Variants in GMDS observed in about 807,000 individuals in gnomAD.
GMDS encodes the protein GDP-mannose 4,6 dehydratase.
GMDS carries 20 observed loss-of-function variants against 49.9 expected under a neutral mutation model. The ratio of observed to expected loss-of-function variants is 0.40; its 90% CI spans 0.28 to 0.58. The LOEUF (loss-of-function observed/expected upper bound fraction) is 0.58, where lower values mean the gene tolerates loss of function less well. GMDS is among the 20% of genes least tolerant of loss of function. The probability of loss-of-function intolerance (pLI) is 0.42; values close to 1 mark genes in which losing one functional copy is unlikely to be tolerated. For synonymous variants in GMDS, 177 were observed against 178.6 expected, an observed-to-expected ratio of 0.99 and a Z score of 0.07; for missense variants, 362 against 481.4, an observed-to-expected ratio of 0.75 and a Z score of 2.32.
intron 7 of GMDS, among the ~76,000 whole-genome samples, chr6:1,751,532 T>C (rs1274896321): frequency 6.6e-6 from 1 of 152,196 alleles, no homozygotes; most frequent in African/African-American, 2.4e-5. Flanking sequence ...TGTCGCTCTG[T>C]TGCCAGGCTA....
At chr6:1,699,282 A>C (rs1765457077) in intron 9 of GMDS, among the ~76,000 whole-genome samples, 1 of 151,926 alleles carries the variant, frequency 6.6e-6, no homozygotes, top group African/African-American at 2.4e-5. Context: ...AAAATAAGGA[A>C]GATGGGGGTG....
Position 2,011,641 on chromosome 6 carries a change from C to T in GMDS, c.346-50675G>A, listed in dbSNP as rs565582737. On this transcript the variant is annotated intron_variant, in intron 4 of 10. Transcript: ENST00000380815. ...AAAAGAACAAAATCAGGGCCGGGTA[C>T]GGTGACTCATGCCTGTAATCCCAAC... Among the ~76,000 whole-genome samples, 13 of 152,218 alleles carry T rather than the reference C, an allele frequency of 8.5e-5. No individual in the cohort carries two copies. In the East Asian group the frequency reaches 1.5e-3, roughly 18 times the overall value.
intron 7 of GMDS, among the ~76,000 whole-genome samples, chr6:1,911,994 G>C (rs937055244): frequency 1.3e-5 from 2 of 152,070 alleles, no homozygotes; most frequent in Admixed American, 6.5e-5. Context: ...TACATTTGAA[G>C]ACTTTTTCAA....
At chr6:1,801,900 C>A (rs1446542216) in intron 7 of GMDS, among the ~76,000 whole-genome samples, 1 of 152,186 alleles carries the variant, frequency 6.6e-6, no homozygotes, top group Non-Finnish European at 1.5e-5. Context: ...TATTTATTTA[C>A]ATCTCAGAGA....
intron 4 of GMDS, among the ~76,000 whole-genome samples, chr6:2,024,317 A>C (rs1381100097): frequency 2.0e-5 from 3 of 152,192 alleles, no homozygotes; most frequent in Admixed American, 6.5e-5. Flanking sequence ...TTTATCAAGA[A>C]GGAAGATGAA....
intron 8 of GMDS, among the ~76,000 whole-genome samples, chr6:1,741,284 C>A (rs1417339913): frequency 6.6e-6 from 1 of 152,146 alleles, no homozygotes; most frequent in Non-Finnish European, 1.5e-5. Flanking sequence ...GAACTTATTT[C>A]TCCTATCTTA....
intron 4 of GMDS, among the ~76,000 whole-genome samples, chr6:2,057,412 C>G (rs1011531242): frequency 6.6e-6 from 1 of 152,214 alleles, no homozygotes; most frequent in Non-Finnish European, 1.5e-5. Context: ...TATGTACACA[C>G]ATATTTTTTA....
chr6:2,040,564 A>G (rs1381835812), intron 4 of GMDS, among the ~76,000 whole-genome samples: 1 of 152,224 alleles, frequency 6.6e-6, no homozygotes, highest in Non-Finnish European at 1.5e-5. Flanking sequence ...GCAGCAATGT[A>G]CATTAATTTT....
intron 6 of GMDS, 116 bp from the exon 7 acceptor site, chr6:1,930,346 AC>A (rs1762233274): frequency 1.4e-6 from 1 of 699,248 alleles, no homozygotes; most frequent in Non-Finnish European, 2.4e-6. Flanking sequence ...ACTCCCAGCC[AC>A]CCTGTTAAAA....
chr6:1,795,031 C>A (rs1769684755), intron 7 of GMDS, among the ~76,000 whole-genome samples: 1 of 151,938 alleles, frequency 6.6e-6, no homozygotes, highest in Admixed American at 6.6e-5. Context: ...CTCTACAAAA[C>A]AAAAACAAAA....
chr6:1,692,369 C>T (rs1765203686), intron 9 of GMDS, among the ~76,000 whole-genome samples: 1 of 152,192 alleles, frequency 6.6e-6, no homozygotes. Context: ...ATTCATCTAT[C>T]CTATTAGTTC....
intron 1 of GMDS, among the ~76,000 whole-genome samples, chr6:2,172,275 G>A (rs557718764): frequency 2.9e-4 from 44 of 152,220 alleles, no homozygotes; most frequent in Admixed American, 6.5e-4. Context: ...AAAATAAAAG[G>A]AGAGAGTGAC....
intron 7 of GMDS, among the ~76,000 whole-genome samples, chr6:1,781,845 T>C (rs1442969949): frequency 1.3e-5 from 2 of 150,392 alleles, no homozygotes; most frequent in Admixed American, 6.6e-5. Flanking sequence ...GGTGCAATCC[T>C]CTCAAACCAA....
intron 9 of GMDS, among the ~76,000 whole-genome samples, chr6:1,706,693 T>C (rs1765750104): frequency 6.6e-6 from 1 of 152,244 alleles, no homozygotes; most frequent in African/African-American, 2.4e-5. Context: ...TTCCCAGCGT[T>C]TGCTCACCTG....
At chr6:2,196,615 C>T (rs1207062728) in intron 1 of GMDS, among the ~76,000 whole-genome samples, 1 of 152,160 alleles carries the variant, frequency 6.6e-6, no homozygotes, top group African/African-American at 2.4e-5. Context: ...TACCTCTTGC[C>T]TAGTTCTGGA....
intron 9 of GMDS, among the ~76,000 whole-genome samples, chr6:1,713,398 C>T (rs770822011): frequency 6.6e-5 from 10 of 152,248 alleles, no homozygotes; most frequent in East Asian, 1.9e-4. Context: ...CACCCACCAC[C>T]GGCCCACGCC....
At chr6:2,103,871 T>G (rs1562057352) in intron 4 of GMDS, among the ~76,000 whole-genome samples, 1 of 152,254 alleles carries the variant, frequency 6.6e-6, no homozygotes, top group Non-Finnish European at 1.5e-5. Flanking sequence ...GACTTGTTAA[T>G]AGCAAATGCA....
chr6:1,919,052 T>A (rs189848832), intron 7 of GMDS, among the ~76,000 whole-genome samples: 1 of 152,346 alleles, frequency 6.6e-6, no homozygotes, highest in African/African-American at 2.4e-5. Context: ...TATACAGATT[T>A]CATTTTTATA....
chr6:1,770,015 C>T (rs116361206), intron 7 of GMDS, among the ~76,000 whole-genome samples: 1,571 of 152,306 alleles, frequency 0.01, 28 homozygotes, highest in African/African-American at 0.035. Context: ...TGTGAGCCAC[C>T]GCACCCAGCC....
Sources: gnomAD v4.1 joint callset for allele counts (sites outside exome capture counted in the v4.1 genomes callset) on GRCh38, gnomAD v4.1.1 for gene constraint, MANE v1.5 for transcripts, NCBI Gene and HGNC (gene_info 2026-07-23, HGNC 2026-07-21) for gene names.